The following TAMALIN variants were observed in gnomAD, a reference collection of about 807,000 sequenced individuals.
TAMALIN encodes the protein trafficking regulator and scaffold protein tamalin.
Under a neutral mutation model 38.5 loss-of-function variants are expected in TAMALIN, and 9 were observed. The observed-to-expected ratio is 0.23, with a 90% CI of 0.14 to 0.41. The LOEUF (loss-of-function observed/expected upper bound fraction) is 0.41. Among genes scored for constraint, TAMALIN ranks in the 10% least tolerant of loss-of-function variants. The pLI is 1.00. For missense variants in TAMALIN, 548 were observed against 554.1 expected, an observed-to-expected ratio of 0.99 and a Z score of 0.11; for synonymous variants, 306 against 256.5, an observed-to-expected ratio of 1.19 and a Z score of -1.85.
At position 52,007,204 on chromosome 12, in the gene TAMALIN, A is replaced by G. The variant is rs966081100; in HGVS notation, c.185A>G (p.Tyr62Cys). 1 of 1,522,428 alleles carries G rather than the reference A, an allele frequency of 6.6e-7. No homozygotes were observed. The highest frequency in any genetic ancestry group is 8.7e-7 in the Non-Finnish European group (1 of 1,146,508). The allele number at this position is 1,522,428 out of a possible 1,614,324, so 94.3% of individuals were successfully genotyped here. A position where few individuals can be genotyped will look rare whatever the true frequency, so the allele number is the denominator to read the frequency against. ...ADELYAALED[Y>C]HPAELYRALA... ...GAGCTGTACGCGGCGCTGGAGGACT[A>G]TCACCCTGCCGAGCTGTACCGCGCG... The change falls in exon 1 of 8, where the codon TAT becomes TGT. Residue 62 changes from tyrosine to cysteine, a missense_variant. By Grantham distance (194) the Tyr-to-Cys change is radical (BLOSUM62 -2). This residue lies in a region of TAMALIN where 128 missense variants were observed against 117.9 expected (regional missense o/e 1.09). Coordinates refer to ENST00000293662, the MANE Select transcript of TAMALIN (RefSeq NM_181711.4). This position sits in a 1 kb window ranked among gnomAD's most constrained non-coding sequence, Gnocchi z 6.7.
intron 1 of TAMALIN, chr12:52,008,834 G>A (rs768374165): frequency 1.2e-6 from 1 of 843,086 alleles, no homozygotes; most frequent in Non-Finnish European, 1.4e-6. Context: ...GAGTCTGGAT[G>A]GCCTGAGCCT....
chr12:52,011,032 A>C lies in TAMALIN; in HGVS notation c.352-7A>C, dbSNP rs1246920534. 2 of 1,613,654 alleles carry C rather than the reference A, an allele frequency of 1.2e-6. No homozygotes were observed. The stretch of plus-strand genomic sequence containing the variant: ...CCCTGGGCTGAGGGTCCCCTTGTCC[A>C]TTACAGACTTATGGCCTTCACCACC... On this transcript the variant is annotated splice_region_variant and splice_polypyrimidine_tract_variant and intron_variant, in intron 3 of 7. Transcript: ENST00000293662. The surrounding 1 kb of genome is among the most constrained non-coding windows in gnomAD (Gnocchi z 5.3).
chr12:52,015,365 T>G lies in TAMALIN; in HGVS notation c.*166T>G. The G allele has an allele frequency of 2.4e-5, 18 of 752,980 alleles. No individual in the cohort carries two copies. The highest frequency in any genetic ancestry group is 7.3e-5 in the Admixed American group (2 of 27,244). The allele number at this position is 752,980 out of a possible 1,614,324, so 46.6% of individuals were successfully genotyped here. Reference sequence around the variant, plus strand: ...TCCTGGCTGGTGTCTGCTGAGGGAGTGGGGGGCCCAGCCCCTTCTCTTCTC... The same window carrying G: ...TCCTGGCTGGTGTCTGCTGAGGGAGGGGGGGGCCCAGCCCCTTCTCTTCTC... On this transcript the variant is annotated 3_prime_UTR_variant, in exon 8 of 8. Transcript: ENST00000293662.
At chr12:52,013,075 CTTTT>C (rs3035021) in intron 4 of TAMALIN, among the ~76,000 whole-genome samples, 6 of 124,438 alleles carry the variant, frequency 4.8e-5, no homozygotes, top group Non-Finnish European at 8.3e-5. Context: ...GACAGAACTT[CTTTT>C]TTTTTTTTTT....
chr12:52,013,642 A>G, intron 4 of TAMALIN, 45 bp from the exon 5 acceptor site: 1 of 1,555,444 alleles, frequency 6.4e-7, no homozygotes, highest in Non-Finnish European at 8.9e-7. Context: ...CTGGTATTCT[A>G]GCATGCCCCA....
intron 1 of TAMALIN, chr12:52,008,413 C>T (rs1246450107): frequency 1.0e-6 from 1 of 984,856 alleles, no homozygotes; most frequent in East Asian, 1.1e-4. Flanking sequence ...CCTCCACACC[C>T]CCCACCACCA....
intron 4 of TAMALIN, chr12:52,013,444 G>C (rs1381363060): frequency 2.0e-6 from 1 of 494,640 alleles, no homozygotes; most frequent in African/African-American, 1.9e-5. Context: ...TGGCTGGGGT[G>C]CTGGGCGTGG....
At position 52,006,953 on chromosome 12, in the gene TAMALIN, CCCAGCCGCCG is replaced by C. The variant is rs1208942407; in HGVS notation, c.-60_-51del. On this transcript the variant is annotated 5_prime_UTR_variant, in exon 1 of 8. Transcript: ENST00000293662. ...CCCGCGGCCCGCCCGGCTGGCATCCCCCAGCCGCCGCCAGCCCCGCCGAGGGGAGCCAGCG... is the reference window on the plus strand; with the variant it reads ...CCCGCGGCCCGCCCGGCTGGCATCCCCCAGCCCCGCCGAGGGGAGCCAGCG... 14 of 1,303,184 alleles carry C rather than the reference CCCAGCCGCCG, an allele frequency of 1.1e-5. No homozygotes were observed. The highest frequency in any genetic ancestry group is 2.9e-4 in the Middle Eastern group (1 of 3,490). 80.7% of individuals were successfully genotyped at this position (1,303,184 alleles called of 1,614,324 possible).
chr12:52,006,950 TCCCCCAGCCG>T lies in TAMALIN; in HGVS notation c.-67_-58del, dbSNP rs1287267772. 1.7e-5 allele frequency: 18 copies of T among 1,038,370 alleles called. No individual in the cohort carries two copies. Among genetic ancestry groups the T allele is most frequent in the East Asian group, 1.1e-4 (1 of 9,322 alleles). The allele number at this position is 1,038,370 out of a possible 1,614,324, so 64.3% of individuals were successfully genotyped here. A position where few individuals can be genotyped will look rare whatever the true frequency, so the allele number is the denominator to read the frequency against. On this transcript the variant is annotated 5_prime_UTR_variant, in exon 1 of 8. Transcript: ENST00000293662. ...CGACCCGCGGCCCGCCCGGCTGGCATCCCCCAGCCGCCGCCAGCCCCGCCGAGGGGAGCCA... is the reference window on the plus strand; with the variant it reads ...CGACCCGCGGCCCGCCCGGCTGGCATCCGCCAGCCCCGCCGAGGGGAGCCA...
intron 4 of TAMALIN, among the ~76,000 whole-genome samples, chr12:52,012,180 C>G (rs1453972439): frequency 6.6e-6 from 1 of 152,218 alleles, no homozygotes; most frequent in Non-Finnish European, 1.5e-5. Flanking sequence ...GGTAACTAAA[C>G]CAGTCCTACC....
rs1942443202 is a variant in TAMALIN at position 52,007,990 on chromosome 12, G to A, written c.246+725G>A. Reference sequence around the variant, plus strand: ...AGGCTCAGAACCTACACAACACCAGGTTAAGAAGAGGGGCCTGGTGGCCTT... The same window carrying A: ...AGGCTCAGAACCTACACAACACCAGATTAAGAAGAGGGGCCTGGTGGCCTT... On this transcript the variant is annotated intron_variant, in intron 1 of 7. Coordinates refer to ENST00000293662, the MANE Select transcript of TAMALIN (RefSeq NM_181711.4). This position sits in a 1 kb window ranked among gnomAD's most constrained non-coding sequence, Gnocchi z 6.7. The A allele has an allele frequency of 1.0e-6, 1 of 985,432 alleles. No individual in the cohort carries two copies. Among genetic ancestry groups the A allele is most frequent in the Middle Eastern group, 5.2e-4 (1 of 1,914 alleles). 61.0% of individuals were successfully genotyped at this position (985,432 alleles called of 1,614,324 possible).
rs1209655212 is a variant in TAMALIN at position 52,014,190 on chromosome 12, G to A, written c.671G>A (p.Arg224Gln). The change falls in exon 7 of 8, where the codon CGG becomes CAG. Residue 224 changes from arginine (R) to glutamine (Q), a missense_variant. Around this residue, in one of 3 missense-constraint regions of TAMALIN, gnomAD observed 415 missense variants for 417.0 expected, o/e 1.00. Coordinates refer to ENST00000293662, the MANE Select transcript of TAMALIN (RefSeq NM_181711.4). ...AGGTCCCTAATGGTGCAGGAGCAGC[G>A]GCTGGTGCATGGTGAGTAGATCCCG... ...EYRSLMVQEQ[R>Q]LVHGLVVKDP... 2.5e-6 allele frequency: 4 copies of A among 1,600,832 alleles called. No homozygotes were observed. The highest frequency in any genetic ancestry group is 3.4e-6 in the Non-Finnish European group (4 of 1,173,350).
At position 52,015,320 on chromosome 12, in the gene TAMALIN, C is replaced by A; in HGVS notation, c.*121C>A. On this transcript the variant is annotated 3_prime_UTR_variant, in exon 8 of 8. Coordinates refer to ENST00000293662, the MANE Select transcript of TAMALIN (RefSeq NM_181711.4). ...AGCAGCGGGAGAGGGTCCTTCCTAG[C>A]CTCGGCCCGCCGGGTCGGTTCCTGG... The A allele has an allele frequency of 8.3e-7, 1 of 1,209,712 alleles. No homozygotes were observed. Among genetic ancestry groups the A allele is most frequent in the Non-Finnish European group, 1.1e-6 (1 of 918,168 alleles). The allele number at this position is 1,209,712 out of a possible 1,614,324, so 74.9% of individuals were successfully genotyped here.
chr12:52,013,551 T>G (rs1937710094), intron 4 of TAMALIN, 136 bp from the exon 5 acceptor site: 1 of 682,274 alleles, frequency 1.5e-6, no homozygotes, highest in East Asian at 2.7e-5. Context: ...CAGAGAACCA[T>G]GAGGAGTTGG....
Position 52,011,335 on chromosome 12 carries a change from C to T in TAMALIN, c.454+194C>T. 1 of 845,178 alleles carries T rather than the reference C, an allele frequency of 1.2e-6. No homozygotes were observed. Among genetic ancestry groups the T allele is most frequent in the South Asian group, 1.6e-5 (1 of 62,872 alleles). 52.4% of individuals were successfully genotyped at this position (845,178 alleles called of 1,614,324 possible). ...CCATGTACTGTGTGATCTTGCACAG[C>T]CCCATCTACAAAATGAGGGTAATAA... is the stretch of plus-strand genomic sequence containing the variant. On this transcript the variant is annotated intron_variant, in intron 4 of 7. Coordinates refer to ENST00000293662, the MANE Select transcript of TAMALIN (RefSeq NM_181711.4). This position sits in a 1 kb window ranked among gnomAD's most constrained non-coding sequence, Gnocchi z 5.3.
At chr12:52,014,450 G>T in intron 7 of TAMALIN, 3 of 599,598 alleles carry the variant, frequency 5.0e-6, no homozygotes, top group Non-Finnish European at 8.9e-6. Flanking sequence ...GAACACCAGG[G>T]CTCAAAGAGT....
Position 52,010,996 on chromosome 12 carries a change from A to G in TAMALIN, c.352-43A>G, listed in dbSNP as rs1160982876. 3 of 1,613,722 alleles carry G rather than the reference A, an allele frequency of 1.9e-6. No individual in the cohort carries two copies. The African/African-American group carries it at 4.0e-5, about 22-fold the overall frequency. ...GATGACCAGCCTGAGGGATGAACGG[A>G]CTTGTCCCAACCCTGGGCTGAGGGT... On this transcript the variant is annotated intron_variant, in intron 3 of 7. Transcript: ENST00000293662.
chr12:52,014,230 A>G (rs1937730575), intron 7 of TAMALIN, 29 bp downstream of exon 7: 1 of 1,559,898 alleles, frequency 6.4e-7, no homozygotes, highest in Admixed American at 1.8e-5. Context: ...GTGAGGGGCC[A>G]CTTGTTCTGC....
In TAMALIN at chr12:52,007,669, G is replaced by A. The variant is rs116107218; in HGVS notation, c.246+404G>A. On this transcript the variant is annotated intron_variant, in intron 1 of 7. Coordinates refer to ENST00000293662, the MANE Select transcript of TAMALIN (RefSeq NM_181711.4). The surrounding 1 kb of genome is among the most constrained non-coding windows in gnomAD (Gnocchi z 6.7). ...GTTGAAGGTCCGAGAGCCCCCGGTGGGAGAAGCGGGCCGGTGGCTGCGCCG... is the reference window on the plus strand; with the variant it reads ...GTTGAAGGTCCGAGAGCCCCCGGTGAGAGAAGCGGGCCGGTGGCTGCGCCG... 2,355 of 985,412 alleles carry A rather than the reference G, an allele frequency of 2.4e-3. 46 individuals are homozygous for A. The African/African-American group carries it at 0.038, about 16-fold the overall frequency. 61.0% of individuals were successfully genotyped at this position (985,412 alleles called of 1,614,324 possible). A position where few individuals can be genotyped will look rare whatever the true frequency, so the allele number is the denominator to read the frequency against.
Sources: gnomAD v4.1 joint callset for allele counts (sites outside exome capture counted in the v4.1 genomes callset) on GRCh38, gnomAD v4.1.1 for gene constraint, gnomAD v4.1.1 regional missense constraint, Gnocchi (gnomAD v3.1) non-coding constraint, MANE v1.5 for transcripts, NCBI Gene and HGNC (gene_info 2026-07-23, HGNC 2026-07-21) for gene names.